The following SNTG1 variants were observed in gnomAD, a reference collection of about 807,000 sequenced individuals.
SNTG1 encodes syntrophin gamma 1.
SNTG1 carries 39 observed loss-of-function variants against 74.7 expected under a neutral mutation model. That is an observed-to-expected ratio of 0.52 (90% CI 0.40 to 0.68). The LOEUF (loss-of-function observed/expected upper bound fraction) is 0.68. Ranked by LOEUF, SNTG1 falls within the 30% of genes least tolerant of loss-of-function variation. SNTG1 has a pLI of 0.00. For synonymous variants in SNTG1, 254 were observed against 217.1 expected, an observed-to-expected ratio of 1.17 and a Z score of -1.49; for missense variants, 685 against 609.5, an observed-to-expected ratio of 1.12 and a Z score of -1.30.
At chr8:50,688,025 C>T (rs1381958327) in intron 15 of SNTG1, among the ~76,000 whole-genome samples, 1 of 151,778 alleles carries the variant, frequency 6.6e-6, no homozygotes. Context: ...AGCATTTTTT[C>T]ATGCGTTTTT....
In SNTG1 at chr8:49,989,806, A is replaced by AC. The variant is rs1248506682; in HGVS notation, c.-103+77576dup. Among the ~76,000 whole-genome samples the AC allele has an allele frequency of 3.9e-5, 6 of 152,062 alleles. No homozygotes were observed. The South Asian group carries it at 1.2e-3, about 31-fold the overall frequency. On this transcript the variant is annotated intron_variant, in intron 1 of 18. Coordinates refer to ENST00000642720, the MANE Select transcript of SNTG1 (RefSeq NM_018967.5). ...GGTAGTTTTAACATCTAAAAACCAA[A>AC]CAATGTAATATATTGATACAGTAAT... is the stretch of plus-strand genomic sequence containing the variant.
intron 12 of SNTG1, among the ~76,000 whole-genome samples, chr8:50,565,766 A>G (rs2094513151): frequency 6.6e-6 from 1 of 152,054 alleles, no homozygotes; most frequent in Non-Finnish European, 1.5e-5. Flanking sequence ...TACAACATTC[A>G]TAGATAATAT....
chr8:50,785,872 T>C (rs2095673459), intron 18 of SNTG1, among the ~76,000 whole-genome samples: 1 of 151,878 alleles, frequency 6.6e-6, no homozygotes, highest in Non-Finnish European at 1.5e-5. Flanking sequence ...TTAAAATCAA[T>C]CAGAGCAATA....
chr8:50,714,665 G>A (rs1342548557), intron 17 of SNTG1, among the ~76,000 whole-genome samples: 1 of 152,082 alleles, frequency 6.6e-6, no homozygotes, highest in Non-Finnish European at 1.5e-5. Context: ...AATGATCAGA[G>A]TGTAACCTGA....
chr8:50,349,992 T>C (rs529838735), intron 2 of SNTG1, among the ~76,000 whole-genome samples: 2 of 152,298 alleles, frequency 1.3e-5, no homozygotes, highest in South Asian at 4.1e-4. Flanking sequence ...GGGCGTGGGC[T>C]TGGCGGCCCC....
chr8:50,160,531 T>C (rs1221287629), intron 1 of SNTG1, among the ~76,000 whole-genome samples: 1 of 152,172 alleles, frequency 6.6e-6, no homozygotes, highest in Non-Finnish European at 1.5e-5. Flanking sequence ...TTTCATTTTA[T>C]ATCACAACTA....
rs1403231079 is a variant in SNTG1, at chr8:50,679,161, G to A, written c.1038+20498G>A. Among the ~76,000 whole-genome samples the A allele has an allele frequency of 3.3e-5, 5 of 151,948 alleles. No homozygotes were observed. The East Asian group carries it at 9.7e-4, about 29-fold the overall frequency. On this transcript the variant is annotated intron_variant, in intron 15 of 18. Coordinates refer to ENST00000642720, the MANE Select transcript of SNTG1 (RefSeq NM_018967.5). ...GACAAGTTTTCTGACTTTATTCATG[G>A]CTACCATTTATTTCTGGAAATAATC...
chr8:50,419,020 A>T (rs1319459765), intron 4 of SNTG1, among the ~76,000 whole-genome samples: 1 of 152,150 alleles, frequency 6.6e-6, no homozygotes, highest in African/African-American at 2.4e-5. Context: ...TTTAAAAAAA[A>T]TACCATAAGG....
intron 2 of SNTG1, among the ~76,000 whole-genome samples, chr8:50,223,045 C>T (rs551568328): frequency 1.3e-5 from 2 of 152,070 alleles, no homozygotes; most frequent in Admixed American, 1.3e-4. Context: ...ACCCTGAAAA[C>T]CTTGGTACCA....
At chr8:49,951,366 G>T (rs906126511) in intron 1 of SNTG1, among the ~76,000 whole-genome samples, 4 of 152,186 alleles carry the variant, frequency 2.6e-5, no homozygotes, top group Admixed American at 6.5e-5. Context: ...CAAATCTTGA[G>T]AGACAAATGA....
At chr8:50,741,749 T>C (rs1291961857) in intron 17 of SNTG1, among the ~76,000 whole-genome samples, 1 of 151,976 alleles carries the variant, frequency 6.6e-6, no homozygotes, top group Non-Finnish European at 1.5e-5. Flanking sequence ...CATTACTAAG[T>C]GAAAGAAGTC....
At chr8:50,269,016 C>T (rs1271098577) in intron 2 of SNTG1, among the ~76,000 whole-genome samples, 3 of 152,048 alleles carry the variant, frequency 2.0e-5, no homozygotes, top group Admixed American at 2.0e-4. Context: ...GGCCTTTTCA[C>T]CAAATGATAT....
chr8:50,424,202 A>G (rs906135894), intron 4 of SNTG1, among the ~76,000 whole-genome samples: 2 of 152,184 alleles, frequency 1.3e-5, no homozygotes, highest in East Asian at 1.9e-4. Flanking sequence ...AGATAGCGAT[A>G]TGTGCCAGGT....
intron 15 of SNTG1, among the ~76,000 whole-genome samples, chr8:50,659,264 G>T (rs1029813214): frequency 6.6e-6 from 1 of 152,212 alleles, no homozygotes; most frequent in Non-Finnish European, 1.5e-5. Flanking sequence ...GGTTTCTATA[G>T]CGTTTTTTAA....
chr8:49,915,400 CT>C (rs2129336850), intron 1 of SNTG1, among the ~76,000 whole-genome samples: 1 of 152,276 alleles, frequency 6.6e-6, no homozygotes, highest in South Asian at 2.1e-4. Context: ...AGGCACATCC[CT>C]TATACTTAAC....
At chr8:50,390,778 T>A (rs2092646699) in intron 2 of SNTG1, among the ~76,000 whole-genome samples, 1 of 152,212 alleles carries the variant, frequency 6.6e-6, no homozygotes. Flanking sequence ...CTTGAAAAGG[T>A]CCTCCACATC....
rs139034373 is a variant in SNTG1 at position 50,551,990 on chromosome 8, G to A, written c.681-1060G>A. On this transcript the variant is annotated intron_variant, in intron 11 of 18. Transcript: ENST00000642720. ...GCTCTATGGGGTTTTCTTTGTTTGG[G>A]GAATAAACTCTGTTTTATATCCAAA... Among the ~76,000 whole-genome samples, 7 of 152,164 alleles carry A rather than the reference G, an allele frequency of 4.6e-5. No individual in the cohort carries two copies. The East Asian group carries it at 1.4e-3, about 29-fold the overall frequency.
In SNTG1 at chr8:50,552,643, C is replaced by T. The variant is rs113162905; in HGVS notation, c.681-407C>T. Among the ~76,000 whole-genome samples the T allele has an allele frequency of 5.6e-3, 852 of 152,148 alleles. 8 individuals are homozygous for T. Among genetic ancestry groups the T allele is most frequent in the African/African-American group, 0.019 (773 of 41,524 alleles). Reference sequence around the variant, plus strand: ...CTTAATATTTTATTGCCTGTTTTTACGATCTTTCTAAGTCAGAAAATGCAT... The same window carrying T: ...CTTAATATTTTATTGCCTGTTTTTATGATCTTTCTAAGTCAGAAAATGCAT... On this transcript the variant is annotated intron_variant, in intron 11 of 18. Transcript: ENST00000642720.
At chr8:50,190,876 A>G (rs142363172) in intron 2 of SNTG1, among the ~76,000 whole-genome samples, 332 of 152,258 alleles carry the variant, frequency 2.2e-3, no homozygotes, top group Admixed American at 6.7e-3. Flanking sequence ...GCTAGAGCAT[A>G]TGAAGAAACA....
Sources: gnomAD v4.1 joint callset for allele counts (sites outside exome capture counted in the v4.1 genomes callset) on GRCh38, gnomAD v4.1.1 for gene constraint, MANE v1.5 for transcripts, NCBI Gene and HGNC (gene_info 2026-07-23, HGNC 2026-07-21) for gene names.